Variants in GLG1 observed in about 807,000 individuals in gnomAD.
GLG1 encodes golgi glycoprotein 1.
Under a neutral mutation model 160.5 loss-of-function variants are expected in GLG1, and 38 were observed. That is an observed-to-expected ratio of 0.24 (90% CI 0.18 to 0.31). The LOEUF (loss-of-function observed/expected upper bound fraction) is 0.31, where lower values mean the gene tolerates loss of function less well. Ranked by LOEUF, GLG1 falls within the 10% of genes least tolerant of loss-of-function variation. The pLI is 1.00. For synonymous variants in GLG1, 644 were observed against 543.4 expected (o/e 1.19, Z -2.57); for missense variants, 1,373 against 1,505.2 (o/e 0.91, Z 1.45).
chr16:74,483,956 G>C (rs1266876049), intron 9 of GLG1, among the ~76,000 whole-genome samples: 1 of 152,084 alleles, frequency 6.6e-6, no homozygotes, highest in Non-Finnish European at 1.5e-5. Flanking sequence ...ACCGTGCCCG[G>C]CCCAGATATT....
At chr16:74,477,713 C>T (rs2143289464) in intron 11 of GLG1, among the ~76,000 whole-genome samples, 180 bp from the exon 12 acceptor site, 1 of 152,250 alleles carries the variant, frequency 6.6e-6, no homozygotes, top group East Asian at 1.9e-4. Context: ...GTGGCTCACG[C>T]ATGTAATCCC....
intron 1 of GLG1, among the ~76,000 whole-genome samples, chr16:74,596,561 G>C (rs993584816): frequency 2.6e-5 from 4 of 152,126 alleles, no homozygotes; most frequent in Non-Finnish European, 5.9e-5. Context: ...GCATCCTTTT[G>C]GTACTAAATC....
rs1020415839 is a variant in GLG1, at chr16:74,459,543, G to C, written c.3144+139C>G. 7.0e-5 allele frequency: 45 copies of C among 642,210 alleles called. No homozygotes were observed. In the African/African-American group the frequency reaches 7.5e-4, roughly 11 times the overall value. The allele number at this position is 642,210 out of a possible 1,614,324, so 39.8% of individuals were successfully genotyped here. Reference sequence around the variant, plus strand: ...AATCAAATGAAAGTTTGGTAAGAAGGAACAGCAAGAAAAGAGTGCTGGGCA... The same window carrying C: ...AATCAAATGAAAGTTTGGTAAGAAGCAACAGCAAGAAAAGAGTGCTGGGCA... On this transcript the variant is annotated intron_variant, in intron 23 of 25. Coordinates refer to ENST00000422840, the MANE Select transcript of GLG1 (RefSeq NM_001145667.2).
At chr16:74,482,636 C>T (rs978426043) in intron 10 of GLG1, among the ~76,000 whole-genome samples, 1 of 152,100 alleles carries the variant, frequency 6.6e-6, no homozygotes, top group South Asian at 2.1e-4. Flanking sequence ...TAAATAAAAG[C>T]CAATTACCAT....
intron 1 of GLG1, among the ~76,000 whole-genome samples, chr16:74,586,277 G>GT (rs1327530945): frequency 6.6e-6 from 1 of 152,092 alleles, no homozygotes; most frequent in Non-Finnish European, 1.5e-5. Flanking sequence ...AACTTCTCTT[G>GT]TGTTCAACCA....
At chr16:74,534,499 G>T (rs1017619972) in intron 1 of GLG1, among the ~76,000 whole-genome samples, 9 of 152,170 alleles carry the variant, frequency 5.9e-5, no homozygotes, top group Admixed American at 1.3e-4. Context: ...ATTCTTGAAA[G>T]AAATTTAGAG....
chr16:74,604,225 A>G (rs1030155822), intron 1 of GLG1, among the ~76,000 whole-genome samples: 3 of 152,188 alleles, frequency 2.0e-5, no homozygotes, highest in Non-Finnish European at 4.4e-5. Context: ...GAAAAGTTCC[A>G]TAAGGTTCCA....
intron 2 of GLG1, among the ~76,000 whole-genome samples, chr16:74,524,800 A>G (rs139841211): frequency 1.6e-4 from 24 of 152,302 alleles, no homozygotes; most frequent in Middle Eastern, 3.4e-3. Flanking sequence ...TGGTTGTACA[A>G]TCATCACCAC....
At chr16:74,469,116 C>T (rs1401897708) in intron 16 of GLG1, 53 bp from the exon 17 acceptor site, 3 of 1,199,470 alleles carry the variant, frequency 2.5e-6, no homozygotes, top group South Asian at 2.4e-5. Flanking sequence ...GGCAGATGGC[C>T]TGAGAGCTGG....
At chr16:74,522,154 T>A (rs1567500855) in intron 2 of GLG1, among the ~76,000 whole-genome samples, 1 of 152,218 alleles carries the variant, frequency 6.6e-6, no homozygotes, top group Non-Finnish European at 1.5e-5. Context: ...AATTAAGAAG[T>A]TAATAGAATT....
chr16:74,472,666 G>C, intron 13 of GLG1: 1 of 901,020 alleles, frequency 1.1e-6, no homozygotes, highest in South Asian at 1.4e-5. Flanking sequence ...ATTAAGAAAA[G>C]TGAGGTAAAA....
chr16:74,463,796 A>C, intron 19 of GLG1: 1 of 289,268 alleles, frequency 3.5e-6, no homozygotes, highest in South Asian at 3.9e-5. Flanking sequence ...GCTGGTCTTG[A>C]ACTCCTGGTA....
chr16:74,492,350 A>G (rs1419195165), intron 7 of GLG1, among the ~76,000 whole-genome samples: 3 of 148,104 alleles, frequency 2.0e-5, no homozygotes, highest in Non-Finnish European at 4.5e-5. Context: ...CTGGTGACAA[A>G]GCGAGACTCT....
intron 1 of GLG1, among the ~76,000 whole-genome samples, chr16:74,591,824 A>T (rs950178249): frequency 3.3e-5 from 5 of 152,246 alleles, no homozygotes; most frequent in South Asian, 2.1e-4. Context: ...AAATTTCAGT[A>T]ATTTTTGAAT....
chr16:74,543,837 C>G (rs2017970620), intron 1 of GLG1, among the ~76,000 whole-genome samples: 1 of 152,060 alleles, frequency 6.6e-6, no homozygotes, highest in African/African-American at 2.4e-5. Context: ...TGGTACTCCA[C>G]CTGAGCCAGT....
chr16:74,465,720 C>T lies in GLG1; in HGVS notation c.2623G>A (p.Glu875Lys). Residue 875 changes from glutamate (E) to lysine (K), a missense_variant, in exon 19 of 26, where the codon GAG becomes AAG. Around this residue, in one of 4 missense-constraint regions of GLG1, gnomAD observed 491 missense variants for 632.1 expected, o/e 0.78. Coordinates refer to ENST00000422840, the MANE Select transcript of GLG1 (RefSeq NM_001145667.2). ...KLQETEMMDP[E>K]LDYTLMRVCK... ...ACCCTCATGAGGGTGTAGTCTAGCT[C>T]TGGGTCCATCATCTCTGTCTCCTGC... 6.2e-7 allele frequency: 1 copy of T among 1,613,988 alleles called. No individual in the cohort carries two copies. Among genetic ancestry groups the T allele is most frequent in the South Asian group, 1.1e-5 (1 of 91,082 alleles).
At chr16:74,463,327 G>T (rs1567458173) in intron 20 of GLG1, 29 bp downstream of exon 20, 1 of 1,610,470 alleles carries the variant, frequency 6.2e-7, no homozygotes, top group South Asian at 1.1e-5. Context: ...ATACTCCACG[G>T]GGCCAGGAGA....
chr16:74,580,707 T>C (rs1244124879), intron 1 of GLG1, among the ~76,000 whole-genome samples: 1 of 152,108 alleles, frequency 6.6e-6, no homozygotes, highest in East Asian at 1.9e-4. Context: ...ACCAAATCAA[T>C]AGAGTGAAAA....
intron 2 of GLG1, among the ~76,000 whole-genome samples, chr16:74,529,499 A>T (rs1271358285): frequency 6.6e-6 from 1 of 151,670 alleles, no homozygotes; most frequent in African/African-American, 2.4e-5. Flanking sequence ...CCTCTATTTT[A>T]TTAGTTATTT....
Sources: gnomAD v4.1 joint callset for allele counts (sites outside exome capture counted in the v4.1 genomes callset) on GRCh38, gnomAD v4.1.1 for gene constraint, gnomAD v4.1.1 regional missense constraint, MANE v1.5 for transcripts, NCBI Gene and HGNC (gene_info 2026-07-23, HGNC 2026-07-21) for gene names.